The following GXYLT1 variants were observed in gnomAD, a reference collection of about 807,000 sequenced individuals.
The protein encoded by GXYLT1 is glycosyltransferase 8 domain containing 3.
GXYLT1 carries 29 observed loss-of-function variants against 54.0 expected under a neutral mutation model. That is an observed-to-expected ratio of 0.54 (90% confidence interval 0.40 to 0.73). The LOEUF is 0.73. Among genes scored for constraint, GXYLT1 ranks in the 30% least tolerant of loss-of-function variants. The pLI is 0.00. For missense variants in GXYLT1, 490 were observed against 553.4 expected, an observed-to-expected ratio of 0.89 and a Z score of 1.15; for synonymous variants, 176 against 204.1, an observed-to-expected ratio of 0.86 and a Z score of 1.17.
intron 3 of GXYLT1, among the ~76,000 whole-genome samples, chr12:42,110,394 G>A (rs557613823): frequency 1.3e-5 from 2 of 152,026 alleles, no homozygotes; most frequent in Non-Finnish European, 2.9e-5. Flanking sequence ...TCTATGGGGG[G>A]GAAAAAACTA....
chr12:42,091,544 A>G (rs919424850), intron 7 of GXYLT1, among the ~76,000 whole-genome samples: 1 of 152,156 alleles, frequency 6.6e-6, no homozygotes, highest in African/African-American at 2.4e-5. Context: ...GACAACCCAT[A>G]ATAAAGCATT....
chr12:42,090,111 C>CT (rs1324796955), intron 7 of GXYLT1, among the ~76,000 whole-genome samples: 3 of 2,434 alleles, frequency 1.2e-3, no homozygotes, highest in African/African-American at 6.0e-3. Flanking sequence ...TTCTTCTTCA[C>CT]TGGAAAAAAA....
At chr12:42,131,084 C>T (rs989178880) in intron 1 of GXYLT1, among the ~76,000 whole-genome samples, 2 of 152,122 alleles carry the variant, frequency 1.3e-5, no homozygotes, top group East Asian at 3.9e-4. Flanking sequence ...AATGGAAGAT[C>T]AAGTCTGGTC....
Position 42,119,023 on chromosome 12 carries a change from G to C in GXYLT1, c.463C>G (p.Leu155Val). ...ACTCTGCCTTTAAAGCTATGATGTAGCTGATCTTCAGCAAAAATATGGAAT... is the reference window on the plus strand; with the variant it reads ...ACTCTGCCTTTAAAGCTATGATGTACCTGATCTTCAGCAAAAATATGGAAT... ...LQFHIFAEDQ[L>V]HHSFKGRLDN... Residue 155 changes from leucine (L) to valine (V), a missense_variant, in exon 3 of 8, where the codon CTA (leucine) becomes GTA (valine). Physicochemically the swap from Leu to Val is conservative, Grantham distance 32. This residue lies in a region of GXYLT1 where 342 missense variants were observed against 342.6 expected (regional missense o/e 1.00). Transcript: ENST00000398675. 1 of 1,613,862 alleles carries C rather than the reference G, an allele frequency of 6.2e-7. No individual in the cohort carries two copies. Among genetic ancestry groups the C allele is most frequent in the Middle Eastern group, 1.7e-4 (1 of 6,056 alleles).
chr12:42,112,182 C>A (rs1388776576), intron 3 of GXYLT1, among the ~76,000 whole-genome samples: 1 of 152,086 alleles, frequency 6.6e-6, no homozygotes, highest in African/African-American at 2.4e-5. Context: ...GATAAAACCA[C>A]AAAGATGGGG....
intron 1 of GXYLT1, among the ~76,000 whole-genome samples, chr12:42,136,928 T>C (rs1329538644): frequency 6.6e-6 from 1 of 151,926 alleles, no homozygotes; most frequent in Non-Finnish European, 1.5e-5. Context: ...CGCACACCAC[T>C]ATGCCCAGGT....
chr12:42,110,267 G>C (rs985023465), intron 3 of GXYLT1, among the ~76,000 whole-genome samples: 1 of 152,042 alleles, frequency 6.6e-6, no homozygotes, highest in Non-Finnish European at 1.5e-5. Context: ...TTTACACTTA[G>C]TACCCTAAAT....
chr12:42,118,371 C>T (rs533031283), intron 3 of GXYLT1, among the ~76,000 whole-genome samples: 12 of 152,244 alleles, frequency 7.9e-5, no homozygotes, highest in South Asian at 2.1e-4. Flanking sequence ...TATGACTAAA[C>T]ATCCTGGAAC....
intron 5 of GXYLT1, among the ~76,000 whole-genome samples, chr12:42,105,562 T>C (rs768081545): frequency 1.3e-3 from 191 of 152,302 alleles, no homozygotes; most frequent in Non-Finnish European, 1.7e-3. Context: ...AGGGAGAAGA[T>C]GTTCACTACT....
rs564403801 is a variant in GXYLT1, at chr12:42,102,114, A to C, written c.864+3704T>G. ...TGACCAAATACATGTATGTTACATC[A>C]AGATCAATTAGTTTCATTTTTTGAA... On this transcript the variant is annotated intron_variant, in intron 5 of 7. Transcript: ENST00000398675. Among the ~76,000 whole-genome samples the C allele has an allele frequency of 1.3e-3, 201 of 152,350 alleles. 4 individuals are homozygous for C. In the South Asian group the frequency reaches 0.041, roughly 31 times the overall value.
rs539134154 is a variant in GXYLT1, at chr12:42,108,359, T to C, written c.612+1207A>G. Among the ~76,000 whole-genome samples, 19 of 152,334 alleles carry C rather than the reference T, an allele frequency of 1.2e-4. No homozygotes were observed. The South Asian group carries it at 3.1e-3, about 25-fold the overall frequency. On this transcript the variant is annotated intron_variant, in intron 4 of 7. Coordinates refer to ENST00000398675, the MANE Select transcript of GXYLT1 (RefSeq NM_173601.2). The stretch of plus-strand genomic sequence containing the variant: ...CAATACTATTTGTGTGATTATTTAA[T>C]GTCTGTCTCCCACATCAGACAACAA...
chr12:42,101,507 A>C (rs1036985609), intron 5 of GXYLT1, among the ~76,000 whole-genome samples: 33 of 152,212 alleles, frequency 2.2e-4, no homozygotes, highest in Non-Finnish European at 2.2e-4. Flanking sequence ...CTAAATGAAA[A>C]AAGCTGAAGA....
At chr12:42,093,321 G>C (rs890505010) in intron 7 of GXYLT1, among the ~76,000 whole-genome samples, 1 of 151,880 alleles carries the variant, frequency 6.6e-6, no homozygotes, top group Non-Finnish European at 1.5e-5. Context: ...GGCTGGTCTC[G>C]AACTCCTGAC....
intron 2 of GXYLT1, among the ~76,000 whole-genome samples, chr12:42,126,002 G>A (rs900854481): frequency 6.6e-6 from 1 of 152,198 alleles, no homozygotes; most frequent in South Asian, 2.1e-4. Context: ...ACGCCAGCCT[G>A]GGCGACAAAG....
chr12:42,093,542 C>G (rs1375241496), intron 7 of GXYLT1, among the ~76,000 whole-genome samples: 1 of 152,052 alleles, frequency 6.6e-6, no homozygotes, highest in African/African-American at 2.4e-5. Flanking sequence ...AGCAAAGCAC[C>G]TTTATAATTA....
At chr12:42,108,829 G>A (rs1212101436) in intron 4 of GXYLT1, among the ~76,000 whole-genome samples, 1 of 152,058 alleles carries the variant, frequency 6.6e-6, no homozygotes, top group Non-Finnish European at 1.5e-5. Flanking sequence ...AACCTTGTGT[G>A]CTTCTTAAAT....
Position 42,083,719 on chromosome 12 carries a change from A to C in GXYLT1, c.*4067T>G, listed in dbSNP as rs78442817. ...TCCCAACTGAGGAATAAATAGGTGT[A>C]ATTTATTGCTTAATTTGCCATCCAA... On this transcript the variant is annotated 3_prime_UTR_variant, in exon 8 of 8. Coordinates refer to ENST00000398675, the MANE Select transcript of GXYLT1 (RefSeq NM_173601.2). The C allele has an allele frequency of 7.9e-6, 1 of 126,200 alleles. No individual in the cohort carries two copies. The highest frequency in any genetic ancestry group is 2.9e-5 in the African/African-American group (1 of 34,206). The allele number at this position is 126,200 out of a possible 1,614,324, so 7.8% of individuals were successfully genotyped here. A position where few individuals can be genotyped will look rare whatever the true frequency, so the allele number is the denominator to read the frequency against.
intron 1 of GXYLT1, among the ~76,000 whole-genome samples, chr12:42,131,645 C>A (rs1041389915): frequency 6.6e-6 from 1 of 152,170 alleles, no homozygotes; most frequent in Admixed American, 6.5e-5. Context: ...AAAGGCTGAA[C>A]CAGAAAGAGA....
rs1288774986 is a variant in GXYLT1 at position 42,097,603 on chromosome 12, C to T, written c.1000G>A (p.Val334Ile). ...VFFHNPESLF[V>I]FPCQWNYRPD... ...CGATAATTCCATTGACACGGAAAAA[C>T]AAAAAGGCTTTCTACATAAAGAAAA... is the stretch of plus-strand genomic sequence containing the variant. The change falls in exon 7 of 8, where the codon GTT becomes ATT. Residue 334 changes from valine (V) to isoleucine (I), a missense_variant. Val to Ile is a conservative substitution (Grantham distance 29). Around this residue, in one of 2 missense-constraint regions of GXYLT1, gnomAD observed 342 missense variants for 342.6 expected, o/e 1.00. Transcript: ENST00000398675. The T allele has an allele frequency of 6.2e-7, 1 of 1,603,490 alleles. No individual in the cohort carries two copies. Among genetic ancestry groups the T allele is most frequent in the Non-Finnish European group, 8.5e-7 (1 of 1,177,198 alleles).
Sources: gnomAD v4.1 joint callset for allele counts (sites outside exome capture counted in the v4.1 genomes callset) on GRCh38, gnomAD v4.1.1 for gene constraint, gnomAD v4.1.1 regional missense constraint, MANE v1.5 for transcripts, NCBI Gene and HGNC (gene_info 2026-07-23, HGNC 2026-07-21) for gene names.